Variants in APBA3 observed in about 807,000 individuals in gnomAD.
APBA3 encodes the protein amyloid beta precursor protein binding family A member 3.
A neutral mutation model predicts 55.9 loss-of-function variants in APBA3; 45 were observed. The observed-to-expected ratio is 0.80, with a 90% CI of 0.63 to 1.03. The LOEUF is 1.03. Ranked by LOEUF, APBA3 falls within the 50% of genes least tolerant of loss-of-function variation. The probability of loss-of-function intolerance (pLI) is 0.00; values close to 1 mark genes in which losing one functional copy is unlikely to be tolerated. For synonymous variants in APBA3, 370 were observed against 353.3 expected (o/e 1.05, Z -0.53); for missense variants, 865 against 820.3 (o/e 1.05, Z -0.67).
At position 3,759,545 on chromosome 19, in the gene APBA3, TGGGC is replaced by T; in HGVS notation, c.616+12_616+15del. ...GGGCCTTCAGTGCCTGAGGCTAGGGTGGGCGGGACACTCACCCTCCTGGGGGGCA... is the reference window on the plus strand; with the variant it reads ...GGGCCTTCAGTGCCTGAGGCTAGGGTGGGACACTCACCCTCCTGGGGGGCA... On this transcript the variant is annotated intron_variant, in intron 3 of 10. Transcript: ENST00000316757. The T allele has an allele frequency of 6.3e-7, 1 of 1,586,928 alleles. No homozygotes were observed. The highest frequency in any genetic ancestry group is 8.6e-7 in the Non-Finnish European group (1 of 1,168,344).
At position 3,753,756 on chromosome 19, in the gene APBA3, G is replaced by A; in HGVS notation, c.1011+9C>T. 6.6e-7 allele frequency: 1 copy of A among 1,503,892 alleles called. No individual in the cohort carries two copies. The highest frequency in any genetic ancestry group is 8.9e-7 in the Non-Finnish European group (1 of 1,124,102). 93.2% of individuals were successfully genotyped at this position (1,503,892 alleles called of 1,614,324 possible). A position where few individuals can be genotyped will look rare whatever the true frequency, so the allele number is the denominator to read the frequency against. ...CTCAGGAGGGTGGCCCCGCGCCCTG[G>A]CTGCTCACGTCCTCCGCGTAGAATA... On this transcript the variant is annotated intron_variant, in intron 6 of 10. Transcript: ENST00000316757.
chr19:3,751,482 G>T lies in APBA3; in HGVS notation c.1467C>A (p.His489Gln). 1 of 1,572,746 alleles carries T rather than the reference G, an allele frequency of 6.4e-7. No individual in the cohort carries two copies. ...CCAGCTGCTCGCGGGCGTGGGGCCG[G>T]TGGATGATGGCGGTGGTGACGGGAG... The part of the protein sequence containing the change: ...HCPPVTTAII[H>Q]RPHAREQLGF... Residue 489 changes from histidine to glutamine, a missense_variant, in exon 9 of 11, where the codon CAC becomes CAA. By Grantham distance (24) the His-to-Gln change is conservative. Coordinates refer to ENST00000316757, the MANE Select transcript of APBA3 (RefSeq NM_004886.4).
rs2036985655 is a variant in APBA3 at position 3,750,801 on chromosome 19, T to C, written c.*225A>G. 1 of 1,041,372 alleles carries C rather than the reference T, an allele frequency of 9.6e-7. No homozygotes were observed. Among genetic ancestry groups the C allele is most frequent in the African/African-American group, 1.6e-5 (1 of 62,526 alleles). The allele number at this position is 1,041,372 out of a possible 1,614,324, so 64.5% of individuals were successfully genotyped here. On this transcript the variant is annotated 3_prime_UTR_variant, in exon 11 of 11. Transcript: ENST00000316757. ...TCCGCCTGGTCTTTAATAAACAGAG[T>C]ATTTTCACAGCACCGGCTTCTAGTG...
At chr19:3,760,422 G>A in intron 1 of APBA3, 121 bp from the exon 2 acceptor site, 1 of 634,010 alleles carries the variant, frequency 1.6e-6, no homozygotes. Flanking sequence ...ATCAGCCTGG[G>A]CAACAGAGCA....
chr19:3,751,215 C>A lies in APBA3; in HGVS notation c.1630G>T (p.Glu544Ter). ...TCGCCATAGGCCTCGGTGAGCAGCT[C>A]GATGATGCGGGCGTGTGGCGTGGCC... ...VVATPHARII[E>*]LLTEAYGEVH... The change falls in exon 10 of 11, where the codon GAG (glutamate) becomes TAG (stop). Residue 544 changes from glutamate (E) to a stop codon, truncating the protein, a stop_gained. Transcript: ENST00000316757. LOFTEE classifies it high-confidence loss of function. 1 of 1,551,584 alleles carries A rather than the reference C, an allele frequency of 6.4e-7. No homozygotes were observed. The highest frequency in any genetic ancestry group is 2.4e-5 in the East Asian group (1 of 41,298).
chr19:3,751,599 G>C (rs989364231), intron 8 of APBA3, 46 bp from the exon 9 acceptor site: 17 of 1,547,772 alleles, frequency 1.1e-5, no homozygotes, highest in African/African-American at 5.5e-5. Context: ...CGGACAGCCT[G>C]GCAGGTTGTA....
rs141313948 is a variant in APBA3 at position 3,751,466 on chromosome 19, C to T, written c.1483G>A (p.Glu495Lys). 2.2e-4 allele frequency: 338 copies of T among 1,555,236 alleles called. 1 individual carries two copies. In the Middle Eastern group the frequency reaches 3.1e-3, roughly 14 times the overall value. Residue 495 changes from glutamate (E) to lysine (K), a missense_variant, in exon 9 of 11, where the codon GAG becomes AAG. Transcript: ENST00000316757. ...TCCTCCACGCAGAAGCCCAGCTGCT[C>T]GCGGGCGTGGGGCCGGTGGATGATG... ...TAIIHRPHAR[E>K]QLGFCVEDGI...
At position 3,754,005 on chromosome 19, in the gene APBA3, TC is replaced by T; in HGVS notation, c.849+13del. 6.2e-7 allele frequency: 1 copy of T among 1,600,282 alleles called. No individual in the cohort carries two copies. Among genetic ancestry groups the T allele is most frequent in the East Asian group, 2.3e-5 (1 of 43,974 alleles). Reference sequence around the variant, plus strand: ...ACCCCACCCGCATCCCTGGGGCGGGTCCCTGCCCCGTACCTGGGAGTCCGCT... The same window carrying T: ...ACCCCACCCGCATCCCTGGGGCGGGTCCTGCCCCGTACCTGGGAGTCCGCT... On this transcript the variant is annotated intron_variant, in intron 5 of 10. Transcript: ENST00000316757.
chr19:3,750,840 A>G lies in APBA3; in HGVS notation c.*186T>C. On this transcript the variant is annotated 3_prime_UTR_variant, in exon 11 of 11. Coordinates refer to ENST00000316757, the MANE Select transcript of APBA3 (RefSeq NM_004886.4). ...CGGCTTCTAGTGGCTTCCAGGAAGG[A>G]CAAGGTCCTCGGTCCCGTAGACCCT... is the stretch of plus-strand genomic sequence containing the variant. The G allele has an allele frequency of 2.1e-6, 2 of 966,972 alleles. No homozygotes were observed. Among genetic ancestry groups the G allele is most frequent in the Non-Finnish European group, 3.2e-6 (2 of 634,450 alleles). The allele number at this position is 966,972 out of a possible 1,614,324, so 59.9% of individuals were successfully genotyped here. A position where few individuals can be genotyped will look rare whatever the true frequency, so the allele number is the denominator to read the frequency against.
At position 3,760,040 on chromosome 19, in the gene APBA3, G is replaced by A; in HGVS notation, c.225C>T (p.Ser75=). The change falls in exon 2 of 11, where the codon TCC becomes TCT. Residue 75 remains serine, a synonymous_variant. Transcript: ENST00000316757. Reference sequence around the variant, plus strand: ...GTAGGGGACAGGGGGCTCCACCTGGGGATGGGCCCACCAGATCGCCTGGCA... The same window carrying A: ...GTAGGGGACAGGGGGCTCCACCTGGAGATGGGCCCACCAGATCGCCTGGCA... The part of the protein sequence containing the change: ...EALPGDLVGP[S]PGGAPCPLHI... 1.2e-6 allele frequency: 2 copies of A among 1,613,250 alleles called. No homozygotes were observed. Among genetic ancestry groups the A allele is most frequent in the Non-Finnish European group, 1.7e-6 (2 of 1,179,996 alleles).
chr19:3,758,904 C>T (rs2037111039), intron 3 of APBA3, among the ~76,000 whole-genome samples: 2 of 150,764 alleles, frequency 1.3e-5, no homozygotes, highest in Admixed American at 1.3e-4. Context: ...ATTCTTCTTT[C>T]AATGAAAAAA....
chr19:3,757,147 C>T (rs1568394852), intron 3 of APBA3, among the ~76,000 whole-genome samples: 4 of 151,906 alleles, frequency 2.6e-5, no homozygotes, highest in African/African-American at 7.3e-5. Context: ...CATGGTCTCA[C>T]TGTCACCCAG....
Position 3,760,205 on chromosome 19 carries a change from C to T in APBA3, c.60G>A (p.Gly20=), listed in dbSNP as rs780495877. The T allele has an allele frequency of 3.7e-6, 6 of 1,612,226 alleles. No individual in the cohort carries two copies. The highest frequency in any genetic ancestry group is 4.5e-5 in the East Asian group (2 of 44,882). ...PSGPPAMDLE[G]PRDILVPSED... is the part of the protein sequence containing the mutation. ...CCGAAGGCACAAGAATGTCCCTGGG[C>T]CCCTCCAAGTCCATGGCTGGAGGCC... The change falls in exon 2 of 11, where the codon GGG becomes GGA. Residue 20 remains glycine (G), a synonymous_variant. Transcript: ENST00000316757.
chr19:3,754,709 C>A, intron 3 of APBA3: 1 of 195,212 alleles, frequency 5.1e-6, no homozygotes. Flanking sequence ...CTCTGTCGCC[C>A]AGGCTGGAGC....
intron 8 of APBA3, 180 bp from the exon 9 acceptor site, chr19:3,751,733 A>G: frequency 2.8e-6 from 2 of 726,202 alleles, no homozygotes; most frequent in East Asian, 5.8e-5. Flanking sequence ...ATGGGGTCGA[A>G]GCTGTCTGAC....
In APBA3 at chr19:3,759,921, A is replaced by G; in HGVS notation, c.344T>C (p.Leu115Pro). 6.2e-7 allele frequency: 1 copy of G among 1,610,850 alleles called. No homozygotes were observed. The highest frequency in any genetic ancestry group is 8.5e-7 in the Non-Finnish European group (1 of 1,179,264). The change falls in exon 2 of 11, where the codon CTC (leucine) becomes CCC (proline). Residue 115 changes from leucine to proline, a missense_variant. By Grantham distance (98) the Leu-to-Pro change is moderately conservative (BLOSUM62 -3). Transcript: ENST00000316757. ...AGGCGGGCATTCCTCGCAGTGCAAGAGGCCCAGCAGGTCATCCCGGCCAGC... is the reference window on the plus strand; with the variant it reads ...AGGCGGGCATTCCTCGCAGTGCAAGGGGCCCAGCAGGTCATCCCGGCCAGC... The part of the protein sequence containing the change: ...AEAGRDDLLG[L>P]LHCEECPPSQ...
At position 3,752,568 on chromosome 19, in the gene APBA3, G is replaced by A. The variant is rs559315705; in HGVS notation, c.1335C>T (p.Thr445=). 10 of 1,588,146 alleles carry A rather than the reference G, an allele frequency of 6.3e-6. No homozygotes were observed. Among genetic ancestry groups the A allele is most frequent in the African/African-American group, 5.3e-5 (4 of 74,790 alleles). The change falls in exon 8 of 11, where the codon ACC becomes ACT. Residue 445 remains threonine (T), a synonymous_variant. Coordinates refer to ENST00000316757, the MANE Select transcript of APBA3 (RefSeq NM_004886.4). The part of the protein sequence containing the change: ...SGALSIGDRL[T]AINGTSLVGL... Reference sequence around the variant, plus strand: ...CCACCAGGCTGGTCCCGTTGATGGCGGTCAGGCGGTCCCCGATGCTGAGGG... The same window carrying A: ...CCACCAGGCTGGTCCCGTTGATGGCAGTCAGGCGGTCCCCGATGCTGAGGG...
chr19:3,760,278 G>T lies in APBA3; in HGVS notation c.-14C>A, dbSNP rs1165048057. 6.3e-7 allele frequency: 1 copy of T among 1,576,134 alleles called. No homozygotes were observed. Among genetic ancestry groups the T allele is most frequent in the East Asian group, 2.2e-5 (1 of 44,558 alleles). ...GGGGAAGTCCATGCCTGGACTCCAGGCTTAGGCCGGCATCTTCAGGCAGCT... is the reference window on the plus strand; with the variant it reads ...GGGGAAGTCCATGCCTGGACTCCAGTCTTAGGCCGGCATCTTCAGGCAGCT... On this transcript the variant is annotated 5_prime_UTR_variant, in exon 2 of 11. Transcript: ENST00000316757.
chr19:3,754,365 G>T, intron 3 of APBA3, 25 bp from the exon 4 acceptor site: 6 of 1,539,822 alleles, frequency 3.9e-6, no homozygotes, highest in Non-Finnish European at 5.2e-6. Context: ...GAAGAGGGTC[G>T]GCCCCCAGGG....
Sources: gnomAD v4.1 joint callset for allele counts (sites outside exome capture counted in the v4.1 genomes callset) on GRCh38, gnomAD v4.1.1 for gene constraint, MANE v1.5 for transcripts, NCBI Gene and HGNC (gene_info 2026-07-23, HGNC 2026-07-21) for gene names.